The following PLD5 variants were observed in gnomAD, a reference collection of about 807,000 sequenced individuals.
The protein encoded by PLD5 is phospholipase D family member 5.
In PLD5, 36 loss-of-function variants were observed where a neutral mutation model predicts 61.1. The observed-to-expected ratio is 0.59, with a 90% CI of 0.45 to 0.78. PLD5 has a LOEUF of 0.78. Ranked by LOEUF, PLD5 falls within the 30% of genes least tolerant of loss-of-function variation. The pLI is 0.00. For synonymous variants in PLD5, 243 were observed against 242.8 expected, an observed-to-expected ratio of 1.00 and a Z score of -0.01; for missense variants, 515 against 644.4, an observed-to-expected ratio of 0.80 and a Z score of 2.17.
At chr1:242,251,236 A>G (rs1433209453) in intron 4 of PLD5, among the ~76,000 whole-genome samples, 2 of 152,226 alleles carry the variant, frequency 1.3e-5, no homozygotes, top group African/African-American at 4.8e-5. Flanking sequence ...CCACAGAAGC[A>G]GAAGCAATCA....
intron 2 of PLD5, among the ~76,000 whole-genome samples, chr1:242,324,484 A>AGAG (rs2149192225): frequency 6.6e-6 from 1 of 152,326 alleles, no homozygotes; most frequent in South Asian, 2.1e-4. Context: ...TCCAATCTCC[A>AGAG]AGCTGCCCTG....
At chr1:242,176,755 A>G (rs1163190519) in intron 5 of PLD5, among the ~76,000 whole-genome samples, 1 of 152,186 alleles carries the variant, frequency 6.6e-6, no homozygotes, top group African/African-American at 2.4e-5. Flanking sequence ...ACCATCAGAA[A>G]GTGTCCAAAG....
intron 4 of PLD5, among the ~76,000 whole-genome samples, chr1:242,246,623 TAACAC>T (rs1235125599): frequency 6.6e-6 from 1 of 152,118 alleles, no homozygotes; most frequent in Non-Finnish European, 1.5e-5. Flanking sequence ...AAAAATGAAA[TAACAC>T]AATAGCTTCT....
Position 242,088,978 on chromosome 1 carries a change from C to A in PLD5, c.*876G>T. On this transcript the variant is annotated 3_prime_UTR_variant, in exon 10 of 10. Transcript: ENST00000536534. The stretch of plus-strand genomic sequence containing the variant: ...ATAAACTGAACAAAAATGTGAAAAA[C>A]TACTTTATTCCCAAAATGCAGACTT... 4.6e-6 allele frequency: 1 copy of A among 217,580 alleles called. No homozygotes were observed. Among genetic ancestry groups the A allele is most frequent in the Non-Finnish European group, 9.0e-6 (1 of 111,664 alleles). 13.5% of individuals were successfully genotyped at this position (217,580 alleles called of 1,614,324 possible).
intron 1 of PLD5, among the ~76,000 whole-genome samples, chr1:242,452,565 T>C (rs1217260440): frequency 6.6e-6 from 1 of 152,092 alleles, no homozygotes; most frequent in Non-Finnish European, 1.5e-5. Flanking sequence ...CCTATAATCC[T>C]AGCACTTTAG....
intron 2 of PLD5, among the ~76,000 whole-genome samples, chr1:242,295,590 G>C (rs1393310): frequency 0.96 from 146,137 of 152,294 alleles, 70,268 homozygotes; most frequent in Middle Eastern, 0.99. Context: ...GTGAATAGTG[G>C]TGAGATAAAC....
At chr1:242,187,184 A>G (rs1007359882) in intron 5 of PLD5, among the ~76,000 whole-genome samples, 2 of 152,170 alleles carry the variant, frequency 1.3e-5, no homozygotes, top group African/African-American at 2.4e-5. Flanking sequence ...TCCTCAATAG[A>G]GTCAAAGTCT....
chr1:242,226,146 C>T (rs1670926330), intron 4 of PLD5, among the ~76,000 whole-genome samples: 2 of 152,092 alleles, frequency 1.3e-5, no homozygotes, highest in Admixed American at 1.3e-4. Context: ...TTTAAGACAG[C>T]TTTGAAAGTA....
At chr1:242,466,709 A>T (rs1558587344) in intron 1 of PLD5, among the ~76,000 whole-genome samples, 2 of 152,156 alleles carry the variant, frequency 1.3e-5, no homozygotes, top group Non-Finnish European at 2.9e-5. Flanking sequence ...CCTGGCCAAC[A>T]TGGTGAAACC....
chr1:242,297,492 AC>A (rs991751530), intron 2 of PLD5, among the ~76,000 whole-genome samples: 7 of 149,972 alleles, frequency 4.7e-5, no homozygotes, highest in African/African-American at 1.7e-4. Flanking sequence ...GCAGCCTTGA[AC>A]TCCTGGGTTC....
chr1:242,272,620 T>C (rs1344735715), intron 3 of PLD5, among the ~76,000 whole-genome samples: 1 of 152,170 alleles, frequency 6.6e-6, no homozygotes, highest in East Asian at 1.9e-4. Flanking sequence ...CTTATCTATT[T>C]GGAAATTTAA....
chr1:242,257,294 C>T (rs1406354551), intron 4 of PLD5, among the ~76,000 whole-genome samples: 1 of 152,076 alleles, frequency 6.6e-6, no homozygotes, highest in East Asian at 1.9e-4. Flanking sequence ...ATAGGTGGCA[C>T]AGACTAAGCT....
chr1:242,278,773 T>C (rs150877678), intron 3 of PLD5, among the ~76,000 whole-genome samples: 28 of 152,366 alleles, frequency 1.8e-4, no homozygotes, highest in African/African-American at 6.7e-4. Context: ...GCACAGCACC[T>C]TGATAAATGT....
In PLD5 at chr1:242,258,843, T is replaced by C. The variant is rs1372330110; in HGVS notation, c.607+6494A>G. Among the ~76,000 whole-genome samples the C allele has an allele frequency of 7.2e-5, 11 of 152,324 alleles. No individual in the cohort carries two copies. In the East Asian group the frequency reaches 2.1e-3, roughly 29 times the overall value. On this transcript the variant is annotated intron_variant, in intron 4 of 9. Coordinates refer to ENST00000536534, the MANE Select transcript of PLD5 (RefSeq NM_001372062.1). ...CAATGCTGGGTGGAAAGCATGGGCA[T>C]CAACCACTGTTGCAAAAAGTGATTC...
intron 1 of PLD5, among the ~76,000 whole-genome samples, chr1:242,479,840 G>A (rs982841764): frequency 2.6e-5 from 4 of 151,070 alleles, no homozygotes; most frequent in South Asian, 2.1e-4. Flanking sequence ...TCAGGAGATC[G>A]AGACTAACCT....
intron 1 of PLD5, among the ~76,000 whole-genome samples, chr1:242,409,042 G>A (rs1050680848): frequency 1.3e-5 from 2 of 151,212 alleles, no homozygotes; most frequent in Admixed American, 6.6e-5. Context: ...ACTCCAGTCT[G>A]TGTGAAAGAG....
In PLD5 at chr1:242,524,294, G is replaced by A. The variant is rs1669375368; in HGVS notation, c.-18C>T. The A allele has an allele frequency of 3.6e-6, 5 of 1,385,652 alleles. No homozygotes were observed. Among genetic ancestry groups the A allele is most frequent in the Non-Finnish European group, 4.6e-6 (5 of 1,076,228 alleles). 85.8% of individuals were successfully genotyped at this position (1,385,652 alleles called of 1,614,324 possible). A position where few individuals can be genotyped will look rare whatever the true frequency, so the allele number is the denominator to read the frequency against. ...ATCTCCATCCTGACATGACCGGGCG[G>A]CCGCCGGCGAGCAGCGGACTCGGGA... On this transcript the variant is annotated 5_prime_UTR_variant, in exon 1 of 10. Transcript: ENST00000536534.
intron 1 of PLD5, among the ~76,000 whole-genome samples, chr1:242,396,668 C>CTTTCTTTTTTTTTTTTTTTTTTT (rs1479365427): frequency 8.0e-6 from 1 of 125,150 alleles, no homozygotes; most frequent in South Asian, 2.6e-4. Context: ...TCTTTCTTTT[C>CTTTCTTTTTTTTTTTTTTTTTTT]TTTTCTTTTT....
intron 1 of PLD5, among the ~76,000 whole-genome samples, chr1:242,375,412 C>T (rs777298889): frequency 3.9e-5 from 6 of 152,234 alleles, no homozygotes; most frequent in Non-Finnish European, 7.3e-5. Context: ...TTCATAACTG[C>T]TTGCCTCCCA....
Sources: allele counts gnomAD v4.1 joint callset (sites outside exome capture counted in the v4.1 genomes callset), GRCh38; gene constraint gnomAD v4.1.1; transcripts MANE v1.5; gene names NCBI Gene and HGNC (gene_info 2026-07-23, HGNC 2026-07-21).